KCTD7: variants seen among roughly 807,000 people sequenced by gnomAD.
The protein encoded by KCTD7 is BTB/POZ domain-containing protein KCTD7.
In KCTD7, 15 loss-of-function variants were observed where a neutral mutation model predicts 27.0. That is an observed-to-expected ratio of 0.56 (90% CI 0.37 to 0.86). The LOEUF (loss-of-function observed/expected upper bound fraction) is 0.86. KCTD7 is among the 40% of genes least tolerant of loss of function. The pLI is 0.00. For synonymous variants in KCTD7, 159 were observed against 162.7 expected, an observed-to-expected ratio of 0.98 and a Z score of 0.17; for missense variants, 299 against 398.9, an observed-to-expected ratio of 0.75 and a Z score of 2.13.
intron 2 of KCTD7, among the ~76,000 whole-genome samples, chr7:66,635,490 C>A (rs1476537177): frequency 1.3e-5 from 2 of 151,622 alleles, no homozygotes; most frequent in Non-Finnish European, 2.9e-5. Flanking sequence ...TATAAAGAGC[C>A]TTGGTGTGAC....
chr7:66,628,951 T>C lies in KCTD7; in HGVS notation c.-114T>C, dbSNP rs571516346. On this transcript the variant is annotated 5_prime_UTR_variant, in exon 1 of 4. Transcript: ENST00000639828. ...GCCTGCGCACTGCCTCTCGCCCCCCTCCGGCCAGCCCGCAGCCGGCCGCGT... is the reference window on the plus strand; with the variant it reads ...GCCTGCGCACTGCCTCTCGCCCCCCCCCGGCCAGCCCGCAGCCGGCCGCGT... 119 of 1,128,710 alleles carry C rather than the reference T, an allele frequency of 1.1e-4. 2 individuals carry two copies. The South Asian group carries it at 2.2e-3, about 21-fold the overall frequency. 69.9% of individuals were successfully genotyped at this position (1,128,710 alleles called of 1,614,324 possible). A position where few individuals can be genotyped will look rare whatever the true frequency, so the allele number is the denominator to read the frequency against.
At chr7:66,629,600 A>G (rs1487518390) in intron 1 of KCTD7, among the ~76,000 whole-genome samples, 1 of 151,976 alleles carries the variant, frequency 6.6e-6, no homozygotes, top group African/African-American at 2.4e-5. Flanking sequence ...ATCCCAACAC[A>G]TTGGGAGGGA....
Position 66,640,704 on chromosome 7 carries a change from C to G in KCTD7, c.*1472C>G. 2 of 1,195,592 alleles carry G rather than the reference C, an allele frequency of 1.7e-6. No homozygotes were observed. Among genetic ancestry groups the G allele is most frequent in the South Asian group, 5.1e-5 (2 of 39,160 alleles). The allele number at this position is 1,195,592 out of a possible 1,614,324, so 74.1% of individuals were successfully genotyped here. On this transcript the variant is annotated 3_prime_UTR_variant, in exon 4 of 4. Transcript: ENST00000639828. ...GTAGTCCAGGCCACTCGAGCACACA[C>G]CTGTAGTACCAGCTACTCTGGAGGC... is the stretch of plus-strand genomic sequence containing the variant.
At position 66,629,123 on chromosome 7, in the gene KCTD7, G is replaced by T; in HGVS notation, c.59G>T (p.Ser20Ile). Residue 20 changes from serine to isoleucine, a missense_variant, in exon 1 of 4, where the codon AGC becomes ATC. By Grantham distance (142) the Ser-to-Ile change is moderately radical. Coordinates refer to ENST00000639828, the MANE Select transcript of KCTD7 (RefSeq NM_153033.5). ...CGTCGTCAGGACGGTGCCATGTCCA[G>T]CTCTGACGCCGAAGACGACTTTCTG... ...DSRRQDGAMS[S>I]SDAEDDFLEP... 6.5e-7 allele frequency: 1 copy of T among 1,538,074 alleles called. No homozygotes were observed. The highest frequency in any genetic ancestry group is 2.0e-5 in the Admixed American group (1 of 50,476).
chr7:66,640,932 G>T lies in KCTD7; in HGVS notation c.*1700G>T, dbSNP rs1387966212. ...ATGGGTATAAGGGGAGCTGAAGTCT[G>T]TGTTCATATGAGGAAGAGAAGACCA... On this transcript the variant is annotated 3_prime_UTR_variant, in exon 4 of 4. Transcript: ENST00000639828. The T allele has an allele frequency of 1.0e-6, 1 of 985,448 alleles. No homozygotes were observed. The highest frequency in any genetic ancestry group is 1.7e-5 in the African/African-American group (1 of 57,242). 61.0% of individuals were successfully genotyped at this position (985,448 alleles called of 1,614,324 possible).
rs1392172339 is a variant in KCTD7 at position 66,638,914 on chromosome 7, C to G, written c.552C>G (p.Arg184=). ...ARLRAVQRKA[R]FAKLKVCVFK... ...TGCGTGCGGTCCAGCGGAAGGCCCG[C>G]TTTGCCAAGCTCAAGGTCTGTGTCT... is the stretch of plus-strand genomic sequence containing the variant. Residue 184 remains arginine (R), a synonymous_variant, in exon 4 of 4, where the codon CGC becomes CGG. Coordinates refer to ENST00000639828, the MANE Select transcript of KCTD7 (RefSeq NM_153033.5). 1.9e-6 allele frequency: 3 copies of G among 1,614,086 alleles called. No homozygotes were observed. The highest frequency in any genetic ancestry group is 2.5e-6 in the Non-Finnish European group (3 of 1,180,038).
Position 66,641,516 on chromosome 7 carries a change from G to A in KCTD7, c.*2284G>A. On this transcript the variant is annotated 3_prime_UTR_variant, in exon 4 of 4. Transcript: ENST00000639828. Reference sequence around the variant, plus strand: ...GTTTGCTCAAAAACAGGTCCTGAAGGCTTGCTTAGGATTACAGGGATGCTG... The same window carrying A: ...GTTTGCTCAAAAACAGGTCCTGAAGACTTGCTTAGGATTACAGGGATGCTG... 1.0e-6 allele frequency: 1 copy of A among 985,352 alleles called. No individual in the cohort carries two copies. The highest frequency in any genetic ancestry group is 1.7e-5 in the African/African-American group (1 of 57,342). The allele number at this position is 985,352 out of a possible 1,614,324, so 61.0% of individuals were successfully genotyped here.
At position 66,639,238 on chromosome 7, in the gene KCTD7, C is replaced by A. The variant is rs1170047097; in HGVS notation, c.*6C>A. ...TCAAGATCACATGGTGGTGAGTAGC[C>A]CCGGTAGGCGAGAGTCCCATCAGGG... On this transcript the variant is annotated 3_prime_UTR_variant, in exon 4 of 4. Transcript: ENST00000639828. 1 of 1,609,306 alleles carries A rather than the reference C, an allele frequency of 6.2e-7. No individual in the cohort carries two copies. The highest frequency in any genetic ancestry group is 2.2e-5 in the East Asian group (1 of 44,878).
rs1477463430 is a variant in KCTD7 at position 66,639,456 on chromosome 7, C to A, written c.*224C>A. 51 of 1,441,692 alleles carry A rather than the reference C, an allele frequency of 3.5e-5. No homozygotes were observed. The East Asian group carries it at 1.3e-3, about 36-fold the overall frequency. The allele number at this position is 1,441,692 out of a possible 1,614,324, so 89.3% of individuals were successfully genotyped here. On this transcript the variant is annotated 3_prime_UTR_variant, in exon 4 of 4. Transcript: ENST00000639828. ...CGGCCTGCAGGCACTCCAGCCAGCGCTCACCTGGCCTTTCCTCAAGGCATG... is the reference window on the plus strand; with the variant it reads ...CGGCCTGCAGGCACTCCAGCCAGCGATCACCTGGCCTTTCCTCAAGGCATG...
Position 66,638,244 on chromosome 7 carries a change from C to G in KCTD7, c.315-9C>G, listed in dbSNP as rs746772828. ...TCCTTGTCACCGACCCTCTTTCCTT[C>G]CTGCTTAGAGATGTGCTGAATTTCC... On this transcript the variant is annotated splice_polypyrimidine_tract_variant and intron_variant, in intron 2 of 3. Transcript: ENST00000639828. 3 of 1,614,192 alleles carry G rather than the reference C, an allele frequency of 1.9e-6. No homozygotes were observed. The highest frequency in any genetic ancestry group is 1.7e-6 in the Non-Finnish European group (2 of 1,180,018).
In KCTD7 at chr7:66,628,992, T is replaced by C; in HGVS notation, c.-73T>C. 7.0e-7 allele frequency: 1 copy of C among 1,418,570 alleles called. No homozygotes were observed. Among genetic ancestry groups the C allele is most frequent in the South Asian group, 1.3e-5 (1 of 74,806 alleles). The allele number at this position is 1,418,570 out of a possible 1,614,324, so 87.9% of individuals were successfully genotyped here. On this transcript the variant is annotated 5_prime_UTR_variant, in exon 1 of 4. Transcript: ENST00000639828. ...CCGGCCGCGTCATGCCAGGCGCTGC[T>C]CGGCGGTAGGGAGTGCCCGGGGCCG...
At chr7:66,631,440 C>G (rs916977252) in intron 1 of KCTD7, among the ~76,000 whole-genome samples, 1 of 151,772 alleles carries the variant, frequency 6.6e-6, no homozygotes, top group Non-Finnish European at 1.5e-5. Flanking sequence ...GTGGCCATGC[C>G]CACCTGTAGT....
At chr7:66,632,663 G>A (rs1786478980) in intron 1 of KCTD7, among the ~76,000 whole-genome samples, 1 of 152,038 alleles carries the variant, frequency 6.6e-6, no homozygotes, top group Admixed American at 6.6e-5. Context: ...AGAGCACTAA[G>A]ATAGTAAATT....
Position 66,640,905 on chromosome 7 carries a change from A to C in KCTD7, c.*1673A>C. The C allele has an allele frequency of 5.1e-6, 5 of 986,296 alleles. No homozygotes were observed. Among genetic ancestry groups the C allele is most frequent in the Non-Finnish European group, 6.0e-6 (5 of 830,522 alleles). 61.1% of individuals were successfully genotyped at this position (986,296 alleles called of 1,614,324 possible). On this transcript the variant is annotated 3_prime_UTR_variant, in exon 4 of 4. Transcript: ENST00000639828. ...TCAGACTTACAGGACCAGATAGACAAGATGGGTATAAGGGGAGCTGAAGTC... is the reference window on the plus strand; with the variant it reads ...TCAGACTTACAGGACCAGATAGACACGATGGGTATAAGGGGAGCTGAAGTC...
chr7:66,638,526 A>G, intron 3 of KCTD7, 95 bp downstream of exon 3: 1 of 1,280,378 alleles, frequency 7.8e-7, no homozygotes, highest in African/African-American at 1.5e-5. Flanking sequence ...CGGGGGCAGC[A>G]TTCATCCAGA....
intron 2 of KCTD7, among the ~76,000 whole-genome samples, chr7:66,635,924 G>A (rs955737932): frequency 6.6e-6 from 1 of 152,158 alleles, no homozygotes; most frequent in African/African-American, 2.4e-5. Flanking sequence ...GTTTGCTGAA[G>A]ATCTAGAAGG....
chr7:66,630,545 T>C (rs957150402), intron 1 of KCTD7, among the ~76,000 whole-genome samples: 1 of 152,198 alleles, frequency 6.6e-6, no homozygotes. Context: ...CCCAGGACAA[T>C]GGAGGCCCTC....
At chr7:66,630,246 G>T (rs190925658) in intron 1 of KCTD7, among the ~76,000 whole-genome samples, 7 of 152,260 alleles carry the variant, frequency 4.6e-5, no homozygotes, top group African/African-American at 1.4e-4. Context: ...CAGCCTGGGT[G>T]TGATAGAGTA....
chr7:66,637,261 T>C (rs1786609352), intron 2 of KCTD7, among the ~76,000 whole-genome samples: 1 of 152,170 alleles, frequency 6.6e-6, no homozygotes, highest in South Asian at 2.1e-4. Context: ...AATTTTTGTA[T>C]TTTTAGTAGA....
Sources: gnomAD v4.1 joint callset for allele counts (sites outside exome capture counted in the v4.1 genomes callset) on GRCh38, gnomAD v4.1.1 for gene constraint, MANE v1.5 for transcripts, NCBI Gene and HGNC (gene_info 2026-07-23, HGNC 2026-07-21) for gene names.